The following RTL8C variants were observed in gnomAD, a reference collection of about 807,000 sequenced individuals.
RTL8C encodes the protein retrotransposon Gag-like protein 8C.
In RTL8C, 1 loss-of-function variant was observed where a neutral mutation model predicts 5.0. The ratio of observed to expected loss-of-function variants is 0.20; its 90% CI spans 0.07 to 0.95. The LOEUF is 0.95. RTL8C is among the 40% of genes least tolerant of loss of function. RTL8C has a pLI of 0.63. For missense variants in RTL8C, 39 were observed against 99.3 expected (o/e 0.39, Z 2.58); for synonymous variants, 37 against 44.5 (o/e 0.83, Z 0.67).
In RTL8C at chrX:135,033,208, A is replaced by G; in HGVS notation, c.*483A>G. ...AGTGATCTGGACTCACCTCGGAGGT[A>G]TCTGGGCTGGCCACAGTCCCTGGAC... On this transcript the variant is annotated 3_prime_UTR_variant, in exon 1 of 1. Transcript: ENST00000257013. 1 of 725,712 alleles carries G rather than the reference A, an allele frequency of 1.4e-6. No homozygotes were observed. Among genetic ancestry groups the G allele is most frequent in the Admixed American group, 3.1e-5 (1 of 32,717 alleles). The allele number at this position is 725,712 out of a possible 1,213,427, so 59.8% of individuals were successfully genotyped here.
rs972792566 is a variant in RTL8C, at chrX:135,032,831, C to G, written c.*106C>G. ...GCGCCCTCCCTCCGCGCCTCCCTCC[C>G]CCTCGAGCCGCCGCGATGTCCCCTG... On this transcript the variant is annotated 3_prime_UTR_variant, in exon 1 of 1. Transcript: ENST00000257013. 1.8e-5 allele frequency: 20 copies of G among 1,138,114 alleles called. No individual in the cohort carries two copies. The East Asian group carries it at 5.8e-4, about 33-fold the overall frequency. 93.8% of individuals were successfully genotyped at this position (1,138,114 alleles called of 1,213,427 possible).
Position 135,033,306 on chromosome X carries a change from A to C in RTL8C, c.*581A>C. On this transcript the variant is annotated 3_prime_UTR_variant, in exon 1 of 1. Coordinates refer to ENST00000257013, the MANE Select transcript of RTL8C (RefSeq NM_001078171.2). ...CGAGACCTATTTCCTCCCCACCCCC[A>C]GAAACCTCTTGTGTTCTTGCCTAGG... 1 of 307,636 alleles carries C rather than the reference A, an allele frequency of 3.3e-6. No homozygotes were observed. Among genetic ancestry groups the C allele is most frequent in the East Asian group, 1.0e-4 (1 of 9,542 alleles). 25.4% of individuals were successfully genotyped at this position (307,636 alleles called of 1,213,427 possible). A position where few individuals can be genotyped will look rare whatever the true frequency, so the allele number is the denominator to read the frequency against.
rs1453699816 is a variant in RTL8C, at chrX:135,033,149, A to G, written c.*424A>G. 2.1e-6 allele frequency: 2 copies of G among 939,714 alleles called. No individual in the cohort carries two copies. Among genetic ancestry groups the G allele is most frequent in the African/African-American group, 2.0e-5 (1 of 49,464 alleles). The allele number at this position is 939,714 out of a possible 1,213,427, so 77.4% of individuals were successfully genotyped here. A position where few individuals can be genotyped will look rare whatever the true frequency, so the allele number is the denominator to read the frequency against. ...GACCTGCGCTGCCACAGCCATCGCC[A>G]TCCATCGCATCCCACCGACAGACTG... is the stretch of plus-strand genomic sequence containing the variant. On this transcript the variant is annotated 3_prime_UTR_variant, in exon 1 of 1. Transcript: ENST00000257013.
rs1464109488 is a variant in RTL8C, at chrX:135,032,975, C to T, written c.*250C>T. On this transcript the variant is annotated 3_prime_UTR_variant, in exon 1 of 1. Coordinates refer to ENST00000257013, the MANE Select transcript of RTL8C (RefSeq NM_001078171.2). ...CCGCCGCCCTCTCCTTCCAGCCAGCCAGCCCCTCCCATGTACATTTGGACG... is the reference window on the plus strand; with the variant it reads ...CCGCCGCCCTCTCCTTCCAGCCAGCTAGCCCCTCCCATGTACATTTGGACG... 6 of 1,069,750 alleles carry T rather than the reference C, an allele frequency of 5.6e-6. No individual in the cohort carries two copies. Among genetic ancestry groups the T allele is most frequent in the Non-Finnish European group, 7.3e-6 (6 of 817,238 alleles). 88.2% of individuals were successfully genotyped at this position (1,069,750 alleles called of 1,213,427 possible).
chrX:135,032,927 C>G lies in RTL8C; in HGVS notation c.*202C>G, dbSNP rs188009532. The G allele has an allele frequency of 7.5e-3, 8,262 of 1,099,537 alleles. 48 individuals are homozygous for G. The highest frequency in any genetic ancestry group is 8.7e-3 in the South Asian group (375 of 43,259). The allele number at this position is 1,099,537 out of a possible 1,213,427, so 90.6% of individuals were successfully genotyped here. A position where few individuals can be genotyped will look rare whatever the true frequency, so the allele number is the denominator to read the frequency against. Reference sequence around the variant, plus strand: ...AGCGCTCCAGGCTCCTGCTGCCGCCCCTGGGCCTCACTCTGGAGCGAGCCG... The same window carrying G: ...AGCGCTCCAGGCTCCTGCTGCCGCCGCTGGGCCTCACTCTGGAGCGAGCCG... On this transcript the variant is annotated 3_prime_UTR_variant, in exon 1 of 1. Coordinates refer to ENST00000257013, the MANE Select transcript of RTL8C (RefSeq NM_001078171.2).
Position 135,032,805 on chromosome X carries a change from G to C in RTL8C, c.*80G>C. ...ACTGGCCGCCGCCAGGGTCGCCACCGGCGCCCTCCCTCCGCGCCTCCCTCC... is the reference window on the plus strand; with the variant it reads ...ACTGGCCGCCGCCAGGGTCGCCACCCGCGCCCTCCCTCCGCGCCTCCCTCC... On this transcript the variant is annotated 3_prime_UTR_variant, in exon 1 of 1. Transcript: ENST00000257013. 8.6e-7 allele frequency: 1 copy of C among 1,163,067 alleles called. No individual in the cohort carries two copies. The highest frequency in any genetic ancestry group is 2.0e-5 in the South Asian group (1 of 50,126).
In RTL8C at chrX:135,032,776, T is replaced by C. The variant is rs747006585; in HGVS notation, c.*51T>C. 2.4e-5 allele frequency: 28 copies of C among 1,187,868 alleles called. No homozygotes were observed. The East Asian group carries it at 7.8e-4, about 33-fold the overall frequency. ...CGGGTGCTCTGGGGAGGGTCCGCTGTGTTACTGGCCGCCGCCAGGGTCGCC... is the reference window on the plus strand; with the variant it reads ...CGGGTGCTCTGGGGAGGGTCCGCTGCGTTACTGGCCGCCGCCAGGGTCGCC... On this transcript the variant is annotated 3_prime_UTR_variant, in exon 1 of 1. Coordinates refer to ENST00000257013, the MANE Select transcript of RTL8C (RefSeq NM_001078171.2).
chrX:135,033,002 T>A lies in RTL8C; in HGVS notation c.*277T>A, dbSNP rs1327249259. 9 of 1,035,399 alleles carry A rather than the reference T, an allele frequency of 8.7e-6. No individual in the cohort carries two copies. Among genetic ancestry groups the A allele is most frequent in the Non-Finnish European group, 1.1e-5 (9 of 786,629 alleles). 85.3% of individuals were successfully genotyped at this position (1,035,399 alleles called of 1,213,427 possible). ...GCCCCTCCCATGTACATTTGGACGCTGTCCTGCGCTCCAGCTGCAAGCTGG... is the reference window on the plus strand; with the variant it reads ...GCCCCTCCCATGTACATTTGGACGCAGTCCTGCGCTCCAGCTGCAAGCTGG... On this transcript the variant is annotated 3_prime_UTR_variant, in exon 1 of 1. Transcript: ENST00000257013.
In RTL8C at chrX:135,032,951, C is replaced by T. The variant is rs1186138464; in HGVS notation, c.*226C>T. 5 of 1,091,723 alleles carry T rather than the reference C, an allele frequency of 4.6e-6. No individual in the cohort carries two copies. Among genetic ancestry groups the T allele is most frequent in the Admixed American group, 7.1e-5 (2 of 28,092 alleles). 90.0% of individuals were successfully genotyped at this position (1,091,723 alleles called of 1,213,427 possible). ...CCCTGGGCCTCACTCTGGAGCGAGC[C>T]GCCGCCCTCTCCTTCCAGCCAGCCA... is the stretch of plus-strand genomic sequence containing the variant. On this transcript the variant is annotated 3_prime_UTR_variant, in exon 1 of 1. Transcript: ENST00000257013.
Position 135,033,487 on chromosome X carries a change from A to G in RTL8C, c.*762A>G, listed in dbSNP as rs2083297005. ...CCTGCATTCTGCTCTGCTCTAATAC[A>G]CTACCTGGAGAAAGTCTTTTCCTTA... is the stretch of plus-strand genomic sequence containing the variant. On this transcript the variant is annotated 3_prime_UTR_variant, in exon 1 of 1. Coordinates refer to ENST00000257013, the MANE Select transcript of RTL8C (RefSeq NM_001078171.2). 1 of 151,592 alleles carries G rather than the reference A, an allele frequency of 6.6e-6. No individual in the cohort carries two copies. Among genetic ancestry groups the G allele is most frequent in the Admixed American group, 8.2e-5 (1 of 12,215 alleles). 12.5% of individuals were successfully genotyped at this position (151,592 alleles called of 1,213,427 possible).
In RTL8C at chrX:135,033,264, G is replaced by A; in HGVS notation, c.*539G>A. On this transcript the variant is annotated 3_prime_UTR_variant, in exon 1 of 1. Transcript: ENST00000257013. ...TCCAGACAGCTGGCCGCCCCCCAAGGGATCTGTCACCTTCAGCGAGACCTA... is the reference window on the plus strand; with the variant it reads ...TCCAGACAGCTGGCCGCCCCCCAAGAGATCTGTCACCTTCAGCGAGACCTA... 5.0e-6 allele frequency: 2 copies of A among 401,961 alleles called. No individual in the cohort carries two copies. The highest frequency in any genetic ancestry group is 5.5e-5 in the South Asian group (2 of 36,385). The allele number at this position is 401,961 out of a possible 1,213,427, so 33.1% of individuals were successfully genotyped here.
At position 135,033,079 on chromosome X, in the gene RTL8C, C is replaced by G; in HGVS notation, c.*354C>G. ...CCCACTGCCGCCGCTGCCAAGCCCTCTCCTCCCCACCAGACTGCCAGACGA... is the reference window on the plus strand; with the variant it reads ...CCCACTGCCGCCGCTGCCAAGCCCTGTCCTCCCCACCAGACTGCCAGACGA... On this transcript the variant is annotated 3_prime_UTR_variant, in exon 1 of 1. Transcript: ENST00000257013. 1.1e-6 allele frequency: 1 copy of G among 936,945 alleles called. No homozygotes were observed. Among genetic ancestry groups the G allele is most frequent in the Admixed American group, 2.9e-5 (1 of 34,262 alleles). The allele number at this position is 936,945 out of a possible 1,213,427, so 77.2% of individuals were successfully genotyped here.
Position 135,033,322 on chromosome X carries a change from C to A in RTL8C, c.*597C>A. On this transcript the variant is annotated 3_prime_UTR_variant, in exon 1 of 1. Transcript: ENST00000257013. ...CCCACCCCCAGAAACCTCTTGTGTT[C>A]TTGCCTAGGCCCAGGTGTTCCTGGC... 3.5e-6 allele frequency: 1 copy of A among 284,914 alleles called. No homozygotes were observed. Among genetic ancestry groups the A allele is most frequent in the South Asian group, 3.7e-5 (1 of 27,285 alleles). The allele number at this position is 284,914 out of a possible 1,213,427, so 23.5% of individuals were successfully genotyped here.
Position 135,032,808 on chromosome X carries a change from G to A in RTL8C, c.*83G>A. ...GGCCGCCGCCAGGGTCGCCACCGGC[G>A]CCCTCCCTCCGCGCCTCCCTCCCCC... is the stretch of plus-strand genomic sequence containing the variant. On this transcript the variant is annotated 3_prime_UTR_variant, in exon 1 of 1. Transcript: ENST00000257013. 3.4e-6 allele frequency: 4 copies of A among 1,159,547 alleles called. No homozygotes were observed. Among genetic ancestry groups the A allele is most frequent in the Non-Finnish European group, 4.6e-6 (4 of 871,151 alleles).
Position 135,033,088 on chromosome X carries a change from A to G in RTL8C, c.*363A>G. 1 of 945,460 alleles carries G rather than the reference A, an allele frequency of 1.1e-6. No homozygotes were observed. The highest frequency in any genetic ancestry group is 1.4e-6 in the Non-Finnish European group (1 of 711,498). The allele number at this position is 945,460 out of a possible 1,213,427, so 77.9% of individuals were successfully genotyped here. A position where few individuals can be genotyped will look rare whatever the true frequency, so the allele number is the denominator to read the frequency against. ...GCCGCTGCCAAGCCCTCTCCTCCCC[A>G]CCAGACTGCCAGACGACTACATCAT... On this transcript the variant is annotated 3_prime_UTR_variant, in exon 1 of 1. Coordinates refer to ENST00000257013, the MANE Select transcript of RTL8C (RefSeq NM_001078171.2).
Position 135,033,527 on chromosome X carries a change from C to A in RTL8C, c.*802C>A. 1 of 151,814 alleles carries A rather than the reference C, an allele frequency of 6.6e-6. No individual in the cohort carries two copies. The highest frequency in any genetic ancestry group is 1.8e-4 in the South Asian group (1 of 5,449). The allele number at this position is 151,814 out of a possible 1,213,427, so 12.5% of individuals were successfully genotyped here. On this transcript the variant is annotated 3_prime_UTR_variant, in exon 1 of 1. Coordinates refer to ENST00000257013, the MANE Select transcript of RTL8C (RefSeq NM_001078171.2). ...TCTTTTCCTTATTTTCAATAAATGT[C>A]AGACATTATTGAAAAGAAATGGTCT...
Position 135,032,872 on chromosome X carries a change from C to A in RTL8C, c.*147C>A. The A allele has an allele frequency of 9.0e-7, 1 of 1,110,333 alleles. No homozygotes were observed. Among genetic ancestry groups the A allele is most frequent in the Non-Finnish European group, 1.2e-6 (1 of 847,643 alleles). 91.5% of individuals were successfully genotyped at this position (1,110,333 alleles called of 1,213,427 possible). ...ATGTCCCCTGCGCTCCTGTTCCCTC[C>A]CGCGTAGTGCTTGCCTTTGTTCCAG... On this transcript the variant is annotated 3_prime_UTR_variant, in exon 1 of 1. Transcript: ENST00000257013.
Position 135,032,360 on chromosome X carries a change from C to G in RTL8C, c.-24C>G. ...TGCAGAGCCGGGTGGAGCCCATTGACGTCCAGCGAAGCGAGGAGCAGCGAT... is the reference window on the plus strand; with the variant it reads ...TGCAGAGCCGGGTGGAGCCCATTGAGGTCCAGCGAAGCGAGGAGCAGCGAT... On this transcript the variant is annotated 5_prime_UTR_variant, in exon 1 of 1. Transcript: ENST00000257013. 3 of 1,188,634 alleles carry G rather than the reference C, an allele frequency of 2.5e-6. No individual in the cohort carries two copies. Among genetic ancestry groups the G allele is most frequent in the Non-Finnish European group, 3.4e-6 (3 of 882,958 alleles).
rs1310980140 is a variant in RTL8C, at chrX:135,032,494, C to A, written c.111C>A (p.Thr37=). 1.7e-6 allele frequency: 2 copies of A among 1,211,984 alleles called. No individual in the cohort carries two copies. Among genetic ancestry groups the A allele is most frequent in the East Asian group, 5.9e-5 (2 of 33,855 alleles). ...IPFPETFDGD[T]DRLPEFIVQT... is the part of the protein sequence containing the mutation. ...TTCCCGAGACGTTTGACGGCGATAC[C>A]GACCGACTCCCGGAGTTCATCGTGC... The change falls in exon 1 of 1, where the codon ACC becomes ACA. Residue 37 remains threonine (T), a synonymous_variant. Transcript: ENST00000257013.
Sources: allele counts gnomAD v4.1 joint callset, GRCh38; gene constraint gnomAD v4.1.1; transcripts MANE v1.5; gene names NCBI Gene and HGNC (gene_info 2026-07-23, HGNC 2026-07-21).